The following ZNF407 variants were observed in gnomAD, a reference collection of about 807,000 sequenced individuals.
The protein encoded by ZNF407 is zinc finger protein 407.
A neutral mutation model predicts 131.2 loss-of-function variants in ZNF407; 17 were observed. The observed-to-expected ratio is 0.13, with a 90% CI of 0.09 to 0.19. The LOEUF (loss-of-function observed/expected upper bound fraction) is 0.19. ZNF407 is among the 10% of genes least tolerant of loss of function. The pLI is 1.00. For synonymous variants in ZNF407, 1,156 were observed against 1,062.0 expected (o/e 1.09, Z -1.72); for missense variants, 2,681 against 2,830.6 (o/e 0.95, Z 1.20).
At chr18:74,756,330 G>T (rs897501970) in intron 3 of ZNF407, among the ~76,000 whole-genome samples, 2 of 152,064 alleles carry the variant, frequency 1.3e-5, no homozygotes, top group Non-Finnish European at 2.9e-5. Context: ...AATTTTTAAG[G>T]ATCACTTTGG....
intron 3 of ZNF407, among the ~76,000 whole-genome samples, chr18:74,725,429 C>T (rs184296875): frequency 2.6e-5 from 4 of 152,262 alleles, no homozygotes; most frequent in Admixed American, 6.5e-5. Flanking sequence ...AAATTAAAAA[C>T]TATTTTTATG....
At chr18:74,605,094 G>A (rs891870589) in intron 1 of ZNF407, among the ~76,000 whole-genome samples, 2 of 152,104 alleles carry the variant, frequency 1.3e-5, no homozygotes, top group African/African-American at 4.8e-5. Flanking sequence ...TTCACTCACC[G>A]TTTGCCACAC....
intron 4 of ZNF407, among the ~76,000 whole-genome samples, chr18:74,829,718 T>G (rs1970456161): frequency 1.3e-5 from 2 of 152,100 alleles, no homozygotes; most frequent in Admixed American, 1.3e-4. Context: ...TTTTGTTTGC[T>G]TTTTTTATAT....
At chr18:74,815,979 G>T (rs1462579744) in intron 4 of ZNF407, among the ~76,000 whole-genome samples, 2 of 152,150 alleles carry the variant, frequency 1.3e-5, no homozygotes, top group South Asian at 4.1e-4. Flanking sequence ...TATGTAAAAT[G>T]TATCTAAGTA....
intron 1 of ZNF407, among the ~76,000 whole-genome samples, chr18:74,604,506 A>G (rs530545017): frequency 6.6e-5 from 10 of 152,292 alleles, no homozygotes; most frequent in Middle Eastern, 6.8e-3. Flanking sequence ...GGTCCTTGCA[A>G]TTGTCTACAC....
chr18:74,869,049 G>A (rs146039513), intron 4 of ZNF407, among the ~76,000 whole-genome samples: 3 of 152,356 alleles, frequency 2.0e-5, no homozygotes, highest in African/African-American at 7.2e-5. Context: ...TTAGGATTGT[G>A]TAGTAAATGT....
intron 8 of ZNF407, among the ~76,000 whole-genome samples, chr18:75,014,210 T>C (rs9964086): frequency 0.81 from 123,525 of 151,966 alleles, 50,486 homozygotes; most frequent in Non-Finnish European, 0.85. Context: ...AGTGTTTACA[T>C]TGGGATTTGG....
Position 74,863,600 on chromosome 18 carries a change from G to A in ZNF407, c.4878-13597G>A, listed in dbSNP as rs893806249. 4.9e-4 allele frequency among the ~76,000 whole-genome samples: 74 copies of A among 152,124 alleles called. 1 individual carries two copies. The highest frequency in any genetic ancestry group is 1.7e-3 in the African/African-American group (71 of 41,508). Reference sequence around the variant, plus strand: ...AGTTGCTAGTCTAGATTTTATGAAAGGAAAACAAAACCATTCTTTATATTG... The same window carrying A: ...AGTTGCTAGTCTAGATTTTATGAAAAGAAAACAAAACCATTCTTTATATTG... On this transcript the variant is annotated intron_variant, in intron 4 of 8. Transcript: ENST00000299687.
chr18:74,893,592 A>G (rs1337525218), intron 7 of ZNF407, among the ~76,000 whole-genome samples: 1 of 152,184 alleles, frequency 6.6e-6, no homozygotes, highest in Non-Finnish European at 1.5e-5. Context: ...AAATGAGCAG[A>G]TAGTTAAGTT....
chr18:74,943,173 C>A (rs1972119340), intron 8 of ZNF407, among the ~76,000 whole-genome samples: 1 of 152,092 alleles, frequency 6.6e-6, no homozygotes, highest in South Asian at 2.1e-4. Context: ...GCCTTGGCCT[C>A]CCAAAGTGCT....
chr18:74,682,919 C>T (rs1967017593), intron 3 of ZNF407, among the ~76,000 whole-genome samples: 2 of 152,134 alleles, frequency 1.3e-5, no homozygotes, highest in Non-Finnish European at 2.9e-5. Flanking sequence ...TCTTTCTGTG[C>T]ATGTATGCAC....
At chr18:74,942,672 G>A (rs1437115821) in intron 8 of ZNF407, among the ~76,000 whole-genome samples, 7 of 152,276 alleles carry the variant, frequency 4.6e-5, no homozygotes, top group African/African-American at 1.2e-4. Flanking sequence ...GGCGGCTGGA[G>A]CCCTGAGTCT....
intron 3 of ZNF407, among the ~76,000 whole-genome samples, chr18:74,765,582 T>A (rs1342884387): frequency 6.6e-6 from 1 of 152,234 alleles, no homozygotes; most frequent in Non-Finnish European, 1.5e-5. Context: ...GGAGCCTGTG[T>A]GAGCCCAAAC....
At chr18:74,689,922 C>T (rs1314816762) in intron 3 of ZNF407, among the ~76,000 whole-genome samples, 1 of 152,128 alleles carries the variant, frequency 6.6e-6, no homozygotes, top group Non-Finnish European at 1.5e-5. Context: ...GAACCTCATC[C>T]AGATGTCATT....
In ZNF407 at chr18:75,023,014, A is replaced by T. The variant is rs140663745; in HGVS notation, c.5429-40136A>T. On this transcript the variant is annotated intron_variant, in intron 8 of 8. Transcript: ENST00000299687. ...ACTATGCAGCCATGAAACGAACGAG[A>T]TCATGTCCTTTGCTGGGACTTGGAT... Among the ~76,000 whole-genome samples the T allele has an allele frequency of 8.7e-3, 1,332 of 152,272 alleles. 7 individuals are homozygous for T. Among genetic ancestry groups the T allele is most frequent in the Non-Finnish European group, 0.014 (973 of 68,010 alleles).
At chr18:74,888,447 T>C (rs1971340891) in intron 6 of ZNF407, among the ~76,000 whole-genome samples, 1 of 152,188 alleles carries the variant, frequency 6.6e-6, no homozygotes, top group African/African-American at 2.4e-5. Context: ...TTATTAACAA[T>C]ATTTTTATCA....
intron 8 of ZNF407, among the ~76,000 whole-genome samples, chr18:74,930,505 G>T (rs1971970516): frequency 6.6e-6 from 1 of 152,232 alleles, no homozygotes; most frequent in South Asian, 2.1e-4. Flanking sequence ...TATCCTGCCT[G>T]AATAAGGTCT....
At chr18:74,980,254 G>A (rs1972573382) in intron 8 of ZNF407, among the ~76,000 whole-genome samples, 1 of 135,728 alleles carries the variant, frequency 7.4e-6, no homozygotes, top group South Asian at 2.2e-4. Flanking sequence ...CCTTCCCCAT[G>A]CTTTTTTTTT....
chr18:74,842,081 T>C (rs1004181799), intron 4 of ZNF407, among the ~76,000 whole-genome samples: 5 of 152,258 alleles, frequency 3.3e-5, no homozygotes, highest in African/African-American at 1.2e-4. Flanking sequence ...TTGTGTTATT[T>C]TGGTCAGACA....
Sources: gnomAD v4.1 joint callset for allele counts (sites outside exome capture counted in the v4.1 genomes callset) on GRCh38, gnomAD v4.1.1 for gene constraint, MANE v1.5 for transcripts, NCBI Gene and HGNC (gene_info 2026-07-23, HGNC 2026-07-21) for gene names.